Variants in GRHL3 observed in about 807,000 individuals in gnomAD.
GRHL3 encodes grainyhead-like protein 3 homolog.
In GRHL3, 20 loss-of-function variants were observed where a neutral mutation model predicts 70.3. The observed-to-expected ratio is 0.28, with a 90% CI of 0.20 to 0.41. The LOEUF is 0.41. Among genes scored for constraint, GRHL3 ranks in the 10% least tolerant of loss-of-function variants. The probability of loss-of-function intolerance (pLI) is 1.00; values close to 1 mark genes in which losing one functional copy is unlikely to be tolerated. For synonymous variants in GRHL3, 299 were observed against 299.9 expected (o/e 1.00, Z 0.03); for missense variants, 637 against 762.3 (o/e 0.84, Z 1.94).
chr1:24,334,799 G>T lies in GRHL3; in HGVS notation c.266+93G>T, dbSNP rs1165568631. On this transcript the variant is annotated intron_variant, in intron 3 of 15. Coordinates refer to ENST00000361548, the MANE Select transcript of GRHL3 (RefSeq NM_198173.3). The surrounding 1 kb of genome is among the most constrained non-coding windows in gnomAD (Gnocchi z 4.3). The stretch of plus-strand genomic sequence containing the variant: ...GGTTTGACTTATCCATTAGGCACAG[G>T]AGGCACAGTGCTGAGGGCCCACAAC... 8 of 834,644 alleles carry T rather than the reference G, an allele frequency of 9.6e-6. No homozygotes were observed. The highest frequency in any genetic ancestry group is 7.0e-5 in the South Asian group (4 of 57,298). The allele number at this position is 834,644 out of a possible 1,614,324, so 51.7% of individuals were successfully genotyped here. A position where few individuals can be genotyped will look rare whatever the true frequency, so the allele number is the denominator to read the frequency against.
chr1:24,346,661 A>G lies in GRHL3; in HGVS notation c.1543+20A>G. On this transcript the variant is annotated intron_variant, in intron 13 of 15. Transcript: ENST00000361548. ...AGAGAGGTGACCTCCCGCCCTCCTC[A>G]TTTACTCACCAGGCCCACCCCAGCT... is the stretch of plus-strand genomic sequence containing the variant. The G allele has an allele frequency of 6.3e-7, 1 of 1,586,884 alleles. No individual in the cohort carries two copies. Among genetic ancestry groups the G allele is most frequent in the Non-Finnish European group, 8.6e-7 (1 of 1,158,012 alleles).
chr1:24,335,880 C>A (rs536287950), intron 3 of GRHL3, among the ~76,000 whole-genome samples: 2 of 152,248 alleles, frequency 1.3e-5, no homozygotes, highest in South Asian at 4.1e-4. Context: ...CCGCGCCCTG[C>A]CACTCAAAAC....
rs2148644134 is a variant in GRHL3, at chr1:24,322,547, T to C, written c.17+2979T>C. On this transcript the variant is annotated intron_variant, in intron 1 of 15. Transcript: ENST00000361548. The surrounding 1 kb of genome is among the most constrained non-coding windows in gnomAD (Gnocchi z 4.4). ...CCTCTTTGAGTTCGGGCTGTAAAAC[T>C]GGCGGACTGGGCCGAGAGGCTTGAG... Among the ~76,000 whole-genome samples, 1 of 152,356 alleles carries C rather than the reference T, an allele frequency of 6.6e-6. No homozygotes were observed. Among genetic ancestry groups the C allele is most frequent in the Admixed American group, 6.5e-5 (1 of 15,310 alleles).
chr1:24,333,452 T>A (rs1460139011), intron 2 of GRHL3, among the ~76,000 whole-genome samples: 3 of 152,252 alleles, frequency 2.0e-5, no homozygotes, highest in African/African-American at 7.2e-5. Flanking sequence ...GGGGTCCTGG[T>A]TCTAGCTGTA....
In GRHL3 at chr1:24,346,584, A is replaced by G. The variant is rs200274487; in HGVS notation, c.1486A>G (p.Thr496Ala). Residue 496 changes from threonine to alanine, a missense_variant, in exon 13 of 16, where the codon ACT (threonine) becomes GCT (alanine). By Grantham distance (58) the Thr-to-Ala change is moderately conservative. Coordinates refer to ENST00000361548, the MANE Select transcript of GRHL3 (RefSeq NM_198173.3). Reference protein sequence around the residue: ...LPLKRTCSPFTEEFEPLPSKQ... With the variant: ...LPLKRTCSPFAEEFEPLPSKQ... ...TCTGAAGCGTACCTGCTCGCCCTTC[A>G]CTGAGGAGTTTGAGCCTCTGCCCTC... The G allele has an allele frequency of 1.2e-6, 2 of 1,613,132 alleles. No individual in the cohort carries two copies. The highest frequency in any genetic ancestry group is 2.7e-5 in the African/African-American group (2 of 74,964).
rs1639623661 is a variant in GRHL3 at position 24,331,722 on chromosome 1, C to T, written c.204+110C>T. On this transcript the variant is annotated intron_variant, in intron 2 of 15. Transcript: ENST00000361548. ...ACCACCCCAGCCCCTCATCTCTGGG[C>T]CTTTGCACAATGCTGTTCCCTCTGC... The T allele has an allele frequency of 9.1e-6, 8 of 883,498 alleles. No individual in the cohort carries two copies. The South Asian group carries it at 9.3e-5, about 10-fold the overall frequency. 54.7% of individuals were successfully genotyped at this position (883,498 alleles called of 1,614,324 possible). A position where few individuals can be genotyped will look rare whatever the true frequency, so the allele number is the denominator to read the frequency against.
Position 24,344,843 on chromosome 1 carries a change from G to T in GRHL3, c.1420-54G>T, listed in dbSNP as rs957235161. ...CCCAGAGAGCCTCCAGCAGCCAGGG[G>T]CTCCTCTCATTTTCCTGCGTGTGAT... On this transcript the variant is annotated intron_variant, in intron 11 of 15. Transcript: ENST00000361548. 3.7e-6 allele frequency: 6 copies of T among 1,607,898 alleles called. No individual in the cohort carries two copies. The Admixed American group carries it at 6.7e-5, about 18-fold the overall frequency.
In GRHL3 at chr1:24,334,313, G is replaced by A. The variant is rs1409928859; in HGVS notation, c.205-332G>A. ...GGCGTCAGGAAACTTAAATCATGGA[G>A]GAAGGGGAAGCAAACACATCCTTCT... On this transcript the variant is annotated intron_variant, in intron 2 of 15. Coordinates refer to ENST00000361548, the MANE Select transcript of GRHL3 (RefSeq NM_198173.3). The surrounding 1 kb of genome is among the most constrained non-coding windows in gnomAD (Gnocchi z 4.3). Among the ~76,000 whole-genome samples, 1 of 152,178 alleles carries A rather than the reference G, an allele frequency of 6.6e-6. No individual in the cohort carries two copies. The highest frequency in any genetic ancestry group is 1.5e-5 in the Non-Finnish European group (1 of 68,028).
At chr1:24,324,798 T>C (rs1158370190) in intron 1 of GRHL3, among the ~76,000 whole-genome samples, 1 of 152,082 alleles carries the variant, frequency 6.6e-6, no homozygotes, top group African/African-American at 2.4e-5. Flanking sequence ...TCTGCAAAGC[T>C]CTGGGCCCAC....
chr1:24,342,036 A>C lies in GRHL3; in HGVS notation c.1048-79A>C. Reference sequence around the variant, plus strand: ...GTGAGCAGCAGGCACACAGAAAGCTAGAAATACAGGATCACTGTGGGACGG... The same window carrying C: ...GTGAGCAGCAGGCACACAGAAAGCTCGAAATACAGGATCACTGTGGGACGG... On this transcript the variant is annotated intron_variant, in intron 8 of 15. Coordinates refer to ENST00000361548, the MANE Select transcript of GRHL3 (RefSeq NM_198173.3). This position sits in a 1 kb window ranked among gnomAD's most constrained non-coding sequence, Gnocchi z 4.8. 7.4e-7 allele frequency: 1 copy of C among 1,353,320 alleles called. No individual in the cohort carries two copies. The highest frequency in any genetic ancestry group is 1.0e-6 in the Non-Finnish European group (1 of 998,712). 83.8% of individuals were successfully genotyped at this position (1,353,320 alleles called of 1,614,324 possible).
chr1:24,345,279 T>TCCACACCTGTGCCTCCG (rs1640232106), intron 12 of GRHL3, among the ~76,000 whole-genome samples: 1 of 85,166 alleles, frequency 1.2e-5, no homozygotes, highest in Non-Finnish European at 2.4e-5. Flanking sequence ...CCTGTGCCCC[T>TCCACACCTGTGCCTCCG]CCACACCTGT....
intron 15 of GRHL3, among the ~76,000 whole-genome samples, chr1:24,350,335 T>C (rs1640455383): frequency 6.6e-6 from 1 of 152,076 alleles, no homozygotes; most frequent in African/African-American, 2.4e-5. Context: ...GGTTGTTACA[T>C]ATATGACCTC....
At chr1:24,324,502 ATTG>A (rs1639318252) in intron 1 of GRHL3, among the ~76,000 whole-genome samples, 2 of 152,238 alleles carry the variant, frequency 1.3e-5, no homozygotes, top group Non-Finnish European at 2.9e-5. Flanking sequence ...AGTAGTTCAC[ATTG>A]TTATGTGCTG....
exon 16 of GRHL3, chr1:24,364,246 T>C (rs1437522091): frequency 1.9e-6 from 3 of 1,548,624 alleles, no homozygotes; most frequent in Non-Finnish European, 2.6e-6. Context: ...TCTTGAATGT[T>C]CCCATCCTGT....
chr1:24,342,800 G>A lies in GRHL3; in HGVS notation c.1285+28G>A, dbSNP rs376936505. The A allele has an allele frequency of 5.3e-5, 85 of 1,613,744 alleles. No homozygotes were observed. The African/African-American group carries it at 9.1e-4, about 17-fold the overall frequency. ...CAGTGGGGATCCAGGGCCTGGGTGG[G>A]CTCGGCTGGCGTGAAGGGGAGAAGG... is the stretch of plus-strand genomic sequence containing the variant. On this transcript the variant is annotated intron_variant, in intron 10 of 15. Transcript: ENST00000361548. This position sits in a 1 kb window ranked among gnomAD's most constrained non-coding sequence, Gnocchi z 4.8.
chr1:24,329,695 C>T (rs910769122), intron 1 of GRHL3, among the ~76,000 whole-genome samples: 1 of 152,154 alleles, frequency 6.6e-6, no homozygotes, highest in Non-Finnish European at 1.5e-5. Context: ...TATGCATTAT[C>T]GTAAATGGCA....
chr1:24,358,148 TG>T (rs939767245), downstream of GRHL3: 4 of 471,566 alleles, frequency 8.5e-6, no homozygotes, highest in African/African-American at 7.8e-5. Flanking sequence ...CAGGGAAGGG[TG>T]GGGCTTCCAG....
chr1:24,322,998 C>CCA lies in GRHL3; in HGVS notation c.17+3432_17+3433dup. 7.7e-7 allele frequency: 1 copy of CCA among 1,295,106 alleles called. No individual in the cohort carries two copies. Among genetic ancestry groups the CCA allele is most frequent in the Non-Finnish European group, 1.1e-6 (1 of 916,854 alleles). 80.2% of individuals were successfully genotyped at this position (1,295,106 alleles called of 1,614,324 possible). On this transcript the variant is annotated intron_variant, in intron 1 of 15. Transcript: ENST00000361548. This position sits in a 1 kb window ranked among gnomAD's most constrained non-coding sequence, Gnocchi z 4.4. The stretch of plus-strand genomic sequence containing the variant: ...CGGGTCTTAGCCGAGCAGCCATAGG[C>CCA]CACCCCGCTTCCTCTGTGCTTAGCC...
chr1:24,350,252 G>A, intron 15 of GRHL3, 130 bp downstream of exon 15: 1 of 653,296 alleles, frequency 1.5e-6, no homozygotes, highest in South Asian at 2.0e-5. Context: ...CAAAGCCACT[G>A]GTCACCTCTC....
Sources: allele counts gnomAD v4.1 joint callset (sites outside exome capture counted in the v4.1 genomes callset), GRCh38; gene constraint gnomAD v4.1.1; non-coding constraint Gnocchi (gnomAD v3.1); transcripts MANE v1.5; gene names NCBI Gene and HGNC (gene_info 2026-07-23, HGNC 2026-07-21).